Variants in ZAN observed in about 807,000 individuals in gnomAD.
The protein encoded by ZAN is zonadhesin (gene/pseudogene).
Under a neutral mutation model 286.2 loss-of-function variants are expected in ZAN, and 260 were observed. The observed-to-expected ratio is 0.91, with a 90% CI of 0.82 to 1.01. ZAN has a LOEUF of 1.01. Among genes scored for constraint, ZAN ranks in the 50% least tolerant of loss-of-function variants. The pLI is 0.00. For missense variants in ZAN, 3,410 were observed against 3,639.2 expected (o/e 0.94, Z 1.62); for synonymous variants, 1,368 against 1,417.5 (o/e 0.97, Z 0.79).
intron 35 of ZAN, among the ~76,000 whole-genome samples, chr7:100,782,410 C>G (rs1204077516): frequency 6.6e-6 from 1 of 152,068 alleles, no homozygotes; most frequent in African/African-American, 2.4e-5. Flanking sequence ...ATCACTGCAA[C>G]CTCTGCCTCC....
chr7:100,792,828 T>C (rs1475323634), intron 42 of ZAN, among the ~76,000 whole-genome samples: 1 of 151,496 alleles, frequency 6.6e-6, no homozygotes, highest in Admixed American at 6.6e-5. Flanking sequence ...AGACCCTGGA[T>C]GGGCTGGGCG....
Position 100,779,726 on chromosome 7 carries a change from C to A in ZAN, c.6598C>A (p.Leu2200Ile). 6.4e-7 allele frequency: 1 copy of A among 1,555,170 alleles called. No individual in the cohort carries two copies. The highest frequency in any genetic ancestry group is 2.4e-5 in the East Asian group (1 of 41,328). The change falls in exon 35 of 48, where the codon CTC becomes ATC. Residue 2200 changes from leucine (L) to isoleucine (I), a missense_variant. Around this residue, in one of 7 missense-constraint regions of ZAN, gnomAD observed 1,289 missense variants for 1,314.3 expected, o/e 0.98. Transcript: ENST00000613979. ...TCQSQGLKPP[L>I]WRNSSFCPLE... ...CCAGAGCCAGGGGCTCAAGCCCCCA[C>A]TCTGGAGAAACAGCAGCTTCTGCCG...
At chr7:100,739,582 G>T (rs1807597995) in intron 7 of ZAN, among the ~76,000 whole-genome samples, 1 of 135,934 alleles carries the variant, frequency 7.4e-6, no homozygotes, top group Non-Finnish European at 1.7e-5. Context: ...CACCTCAAGT[G>T]ATCTGCCCAC....
chr7:100,767,398 C>T, intron 25 of ZAN, 141 bp downstream of exon 25: 1 of 1,214,822 alleles, frequency 8.2e-7, no homozygotes, highest in Non-Finnish European at 1.1e-6. Flanking sequence ...AGACCCTCTT[C>T]TCTGGACTCC....
At chr7:100,782,398 G>A (rs147399582) in intron 35 of ZAN, among the ~76,000 whole-genome samples, 1 of 152,106 alleles carries the variant, frequency 6.6e-6, no homozygotes, top group East Asian at 1.9e-4. Flanking sequence ...GCACGATCCC[G>A]GATCACTGCA....
rs751921058 is a variant in ZAN, at chr7:100,776,429, T to C, written c.6193-11T>C. On this transcript the variant is annotated splice_polypyrimidine_tract_variant and intron_variant, in intron 33 of 47. Transcript: ENST00000613979. ...CTTCCCCAGCACCGAAAAACCACTCTCCCCCGCCAGGTCTGCGGCATGTGT... is the reference window on the plus strand; with the variant it reads ...CTTCCCCAGCACCGAAAAACCACTCCCCCCCGCCAGGTCTGCGGCATGTGT... 3.1e-6 allele frequency: 5 copies of C among 1,599,650 alleles called. No individual in the cohort carries two copies. The Admixed American group carries it at 6.9e-5, about 22-fold the overall frequency.
Position 100,737,461 on chromosome 7 carries a change from C to A in ZAN, c.613+112C>A. 2 of 742,986 alleles carry A rather than the reference C, an allele frequency of 2.7e-6. 1 individual carries two copies. Among genetic ancestry groups the A allele is most frequent in the East Asian group, 5.9e-5 (2 of 33,726 alleles). The allele number at this position is 742,986 out of a possible 1,614,324, so 46.0% of individuals were successfully genotyped here. A position where few individuals can be genotyped will look rare whatever the true frequency, so the allele number is the denominator to read the frequency against. On this transcript the variant is annotated intron_variant, in intron 6 of 47. Transcript: ENST00000613979. ...GTGGCTCATGCCTGTAATCCCAGCA[C>A]TTTGGGAGGCCGAGGCGGGCGGATC...
Position 100,738,659 on chromosome 7 carries a change from G to A in ZAN, c.766+46G>A, listed in dbSNP as rs1310296390. On this transcript the variant is annotated intron_variant, in intron 7 of 47. Transcript: ENST00000613979. ...TGTCCCTTGACTTTCTGGGCACCAA[G>A]CACCCTACGATAATTGCCCTGGGAC... is the stretch of plus-strand genomic sequence containing the variant. The A allele has an allele frequency of 4.7e-6, 7 of 1,489,518 alleles. 2 individuals are homozygous for A. The highest frequency in any genetic ancestry group is 4.6e-5 in the South Asian group (4 of 86,546). The allele number at this position is 1,489,518 out of a possible 1,614,324, so 92.3% of individuals were successfully genotyped here.
At chr7:100,747,467 G>A in intron 8 of ZAN, 83 bp from the exon 9 acceptor site, 1 of 1,121,782 alleles carries the variant, frequency 8.9e-7, no homozygotes, top group Non-Finnish European at 1.4e-6. Flanking sequence ...TATGCCCTCT[G>A]CTCCTCATCC....
chr7:100,772,456 A>AC (rs1810437917), intron 29 of ZAN, among the ~76,000 whole-genome samples: 2 of 151,034 alleles, frequency 1.3e-5, no homozygotes, highest in Non-Finnish European at 3.0e-5. Flanking sequence ...ACAAAACAAA[A>AC]AGTTCTGGCA....
rs1262302919 is a variant in ZAN at position 100,755,251 on chromosome 7, C to A, written c.3150C>A (p.Tyr1050Ter). The A allele has an allele frequency of 4.3e-6, 7 of 1,613,440 alleles. No homozygotes were observed. Among genetic ancestry groups the A allele is most frequent in the Non-Finnish European group, 5.9e-6 (7 of 1,179,654 alleles). Residue 1050 changes from tyrosine to a stop codon, truncating the protein, a stop_gained, in exon 15 of 48, where the codon TAC becomes TAA. Transcript: ENST00000613979. LOFTEE classifies it high-confidence loss of function. ...AGCGCTGCCCTCCAAATGCCCGCTA[C>A]GAATCCTGTGCTTGTCCTGCTTCGT... ...STERCPPNAR[Y>*]ESCACPASCK...
At chr7:100,792,310 T>G in intron 41 of ZAN, 95 bp from the exon 42 acceptor site, 2 of 1,517,946 alleles carry the variant, frequency 1.3e-6, no homozygotes, top group Non-Finnish European at 1.8e-6. Flanking sequence ...CCGACTGATG[T>G]CTTTCTGTTT....
intron 7 of ZAN, among the ~76,000 whole-genome samples, chr7:100,743,062 TTG>T: frequency 1.0e-5 from 1 of 98,704 alleles, no homozygotes; most frequent in Non-Finnish European, 2.4e-5. Flanking sequence ...AATCTTGCTG[TTG>T]CCAGGCTGGA....
rs1308621613 is a variant in ZAN, at chr7:100,795,766, T to C, written c.8266+430T>C. Among the ~76,000 whole-genome samples, 10 of 151,360 alleles carry C rather than the reference T, an allele frequency of 6.6e-5. No individual in the cohort carries two copies. In the South Asian group the frequency reaches 1.9e-3, roughly 29 times the overall value. On this transcript the variant is annotated intron_variant, in intron 45 of 47. Transcript: ENST00000613979. ...CTAAAAATACAAAAAGTTAGCCGGG[T>C]GTGGTGGTGTGCGCCTGTAGTCCCA...
intron 22 of ZAN, 135 bp downstream of exon 22, chr7:100,764,331 C>T: frequency 9.0e-7 from 1 of 1,106,872 alleles, no homozygotes; most frequent in Non-Finnish European, 1.2e-6. Flanking sequence ...CCCGTCTCTA[C>T]TAAACATACC....
intron 11 of ZAN, among the ~76,000 whole-genome samples, chr7:100,749,652 AT>A (rs376352544): frequency 0.27 from 27,676 of 104,092 alleles, 3,524 homozygotes; most frequent in Non-Finnish European, 0.28. Flanking sequence ...AAAAAAAAAA[AT>A]ATATATATAT....
At chr7:100,751,000 G>A (rs1808624311) in intron 12 of ZAN, 104 bp downstream of exon 12, 2 of 1,480,048 alleles carry the variant, frequency 1.4e-6, no homozygotes, top group East Asian at 4.6e-5. Context: ...TGGAAAGAGA[G>A]CCGAGAAAAG....
In ZAN at chr7:100,738,531, C is replaced by T; in HGVS notation, c.684C>T (p.Ala228=). Residue 228 remains alanine, a synonymous_variant, in exon 7 of 48, where the codon GCC becomes GCT. Coordinates refer to ENST00000613979, the MANE Select transcript of ZAN (RefSeq NM_003386.3). The part of the protein sequence containing the change: ...DLCDWTWIPT[A]SGAKWTQKKG... Reference sequence around the variant, plus strand: ...GTGACTGGACCTGGATCCCAACTGCCTCCGGGGCCAAGTGGACTCAGAAGA... The same window carrying T: ...GTGACTGGACCTGGATCCCAACTGCTTCCGGGGCCAAGTGGACTCAGAAGA... 1 of 1,505,704 alleles carries T rather than the reference C, an allele frequency of 6.6e-7. No individual in the cohort carries two copies. Among genetic ancestry groups the T allele is most frequent in the Non-Finnish European group, 9.1e-7 (1 of 1,098,388 alleles). 93.3% of individuals were successfully genotyped at this position (1,505,704 alleles called of 1,614,324 possible).
intron 23 of ZAN, among the ~76,000 whole-genome samples, chr7:100,765,818 C>T (rs11773696): frequency 0.29 from 44,096 of 150,930 alleles, 6,622 homozygotes; most frequent in South Asian, 0.45. Context: ...CCAGCTAATT[C>T]TTGTATTTTT....
Sources: allele counts gnomAD v4.1 joint callset (sites outside exome capture counted in the v4.1 genomes callset), GRCh38; gene constraint gnomAD v4.1.1; regional missense constraint gnomAD v4.1.1; transcripts MANE v1.5; gene names NCBI Gene and HGNC (gene_info 2026-07-23, HGNC 2026-07-21).